Variants in CNIH3 observed in about 807,000 individuals in gnomAD.
The protein encoded by CNIH3 is protein cornichon homolog 3.
In CNIH3, 14 loss-of-function variants were observed where a neutral mutation model predicts 24.1. The ratio of observed to expected loss-of-function variants is 0.58; its 90% CI spans 0.38 to 0.91. The LOEUF (loss-of-function observed/expected upper bound fraction) is 0.91. Ranked by LOEUF, CNIH3 falls within the 40% of genes least tolerant of loss-of-function variation. The pLI, the probability that CNIH3 is intolerant of heterozygous loss-of-function variation, is 0.00. For missense variants in CNIH3, 178 were observed against 196.8 expected (o/e 0.90, Z 0.57); for synonymous variants, 68 against 73.8 (o/e 0.92, Z 0.40).
At chr1:224,522,686 C>T (rs1678688224) in intron 2 of CNIH3, among the ~76,000 whole-genome samples, 2 of 152,090 alleles carry the variant, frequency 1.3e-5, no homozygotes, top group African/African-American at 4.8e-5. Context: ...CAGGGACATG[C>T]CTGGAAACAG....
intron 3 of CNIH3, among the ~76,000 whole-genome samples, chr1:224,563,293 T>G (rs150746307): frequency 2.6e-5 from 4 of 152,224 alleles, no homozygotes; most frequent in Admixed American, 6.5e-5. Flanking sequence ...GACAGTCACC[T>G]CACAAGGGTG....
rs188539580 is a variant in CNIH3 at position 224,558,209 on chromosome 1, C to A, written n.451-7990C>A. Among the ~76,000 whole-genome samples, 8 of 152,288 alleles carry A rather than the reference C, an allele frequency of 5.3e-5. No homozygotes were observed. In the East Asian group the frequency reaches 1.5e-3, roughly 29 times the overall value. ...CCTGCCTGATGATAACTGGTGCTGG[C>A]TATCAGCTGGACCTCTCTTTTCATG... On this transcript the variant is annotated intron_variant and non_coding_transcript_variant, in intron 3 of 5. Transcript: ENST00000471578.
intron 3 of CNIH3, among the ~76,000 whole-genome samples, chr1:224,595,913 G>A (rs1029532969): frequency 6.6e-6 from 1 of 152,214 alleles, no homozygotes; most frequent in Admixed American, 6.5e-5. Flanking sequence ...AGCTGCAATA[G>A]AAAAGTTTGA....
At chr1:224,585,949 T>C (rs1455727862) in intron 5 of CNIH3, among the ~76,000 whole-genome samples, 2 of 152,212 alleles carry the variant, frequency 1.3e-5, no homozygotes, top group Non-Finnish European at 2.9e-5. Context: ...CCATACTTCG[T>C]TGAAAGAGAA....
intron 1 of CNIH3, among the ~76,000 whole-genome samples, chr1:224,644,141 TG>T (rs1455803533): frequency 6.6e-6 from 1 of 152,250 alleles, no homozygotes; most frequent in Non-Finnish European, 1.5e-5. Context: ...ATTCAACGCA[TG>T]CTTGGTGACT....
intron 3 of CNIH3, among the ~76,000 whole-genome samples, chr1:224,560,296 G>A (rs1680310994): frequency 6.6e-6 from 1 of 152,160 alleles, no homozygotes. Flanking sequence ...GGTAGATTTT[G>A]CAAACAGTTT....
chr1:224,508,594 A>G (rs1343483646), intron 1 of CNIH3, among the ~76,000 whole-genome samples: 1 of 152,202 alleles, frequency 6.6e-6, no homozygotes, highest in Middle Eastern at 3.2e-3. Context: ...TCCATAAAAC[A>G]TCTTGCCCAG....
chr1:224,521,448 G>GC (rs1183745550), intron 2 of CNIH3: 1 of 152,174 alleles, frequency 6.6e-6, no homozygotes, highest in Non-Finnish European at 1.5e-5. Context: ...TCTCCATTGT[G>GC]CCTCCTTCAG....
At chr1:224,605,011 A>G (rs565490172) in intron 3 of CNIH3, among the ~76,000 whole-genome samples, 1 of 152,300 alleles carries the variant, frequency 6.6e-6, no homozygotes, top group South Asian at 2.1e-4. Context: ...AGAATGGGGA[A>G]TGTGTGTGAC....
At chr1:224,620,471 A>G (rs770165620) in intron 1 of CNIH3, among the ~76,000 whole-genome samples, 1 of 152,252 alleles carries the variant, frequency 6.6e-6, no homozygotes, top group Non-Finnish European at 1.5e-5. Flanking sequence ...TTCTCTGTAT[A>G]AATGAAATTT....
intron 1 of CNIH3, among the ~76,000 whole-genome samples, chr1:224,634,536 G>A (rs1308158234): frequency 2.6e-5 from 4 of 151,142 alleles, no homozygotes; most frequent in Non-Finnish European, 5.9e-5. Context: ...TTGTGCCACG[G>A]CACTCCAGCC....
chr1:224,529,379 G>C (rs1488635708), intron 2 of CNIH3: 1 of 152,212 alleles, frequency 6.6e-6, no homozygotes, highest in Admixed American at 6.5e-5. Context: ...CTTTGCAAGA[G>C]AGGATGAATT....
chr1:224,661,396 C>G (rs182259660), intron 1 of CNIH3: 41 of 262,708 alleles, frequency 1.6e-4, no homozygotes, highest in African/African-American at 8.9e-4. Flanking sequence ...GACCTAGTGA[C>G]GAGAATGAAG....
At chr1:224,658,284 G>A (rs1315831723) in intron 1 of CNIH3, among the ~76,000 whole-genome samples, 1 of 152,066 alleles carries the variant, frequency 6.6e-6, no homozygotes, top group Non-Finnish European at 1.5e-5. Context: ...TACAACCTTA[G>A]CCTCTCAAGT....
rs1298121657 is a variant in CNIH3, at chr1:224,683,177, C to CT, written c.151-1612dup. ...GGCATAGAAGTTAAATCTCAATTCA[C>CT]TTTTTTTAACTCCTGTTATTAAAGG... On this transcript the variant is annotated intron_variant, in intron 2 of 5. Transcript: ENST00000272133. 3.9e-5 allele frequency among the ~76,000 whole-genome samples: 6 copies of CT among 152,248 alleles called. No individual in the cohort carries two copies. The South Asian group carries it at 8.3e-4, about 21-fold the overall frequency.
chr1:224,712,942 A>G (rs565126174), intron 3 of CNIH3, among the ~76,000 whole-genome samples: 50 of 152,332 alleles, frequency 3.3e-4, no homozygotes, highest in South Asian at 1.9e-3. Flanking sequence ...CATTATCCTA[A>G]GTTGCCAAAT....
chr1:224,522,920 G>A (rs1015598289), intron 2 of CNIH3, among the ~76,000 whole-genome samples: 17 of 152,146 alleles, frequency 1.1e-4, no homozygotes, highest in African/African-American at 3.6e-4. Context: ...CTATGTGTGC[G>A]TATGTGTAAG....
chr1:224,619,864 A>T (rs883114), intron 1 of CNIH3, among the ~76,000 whole-genome samples: 1 of 152,166 alleles, frequency 6.6e-6, no homozygotes, highest in East Asian at 1.9e-4. Flanking sequence ...AGATATGAAG[A>T]TGGCGTGCTT....
intron 1 of CNIH3, among the ~76,000 whole-genome samples, chr1:224,446,546 C>T (rs1359278666): frequency 3.3e-5 from 5 of 152,040 alleles, no homozygotes; most frequent in Non-Finnish European, 7.4e-5. Context: ...TTTAAAATTT[C>T]ATTTTTCTCT....
Sources: allele counts gnomAD v4.1 joint callset (sites outside exome capture counted in the v4.1 genomes callset), GRCh38; gene constraint gnomAD v4.1.1; transcripts MANE v1.5; gene names NCBI Gene and HGNC (gene_info 2026-07-23, HGNC 2026-07-21).